Variants in RARA observed in about 807,000 individuals in gnomAD.
The protein encoded by RARA is PML-DDX5-RARA fusion.
Under a neutral mutation model 42.8 loss-of-function variants are expected in RARA, and 5 were observed. The ratio of observed to expected loss-of-function variants is 0.12; its 90% CI spans 0.06 to 0.25. The LOEUF (loss-of-function observed/expected upper bound fraction) is 0.25. Ranked by LOEUF, RARA falls within the 10% of genes least tolerant of loss-of-function variation. RARA has a pLI of 1.00. For synonymous variants in RARA, 256 were observed against 259.5 expected (o/e 0.99, Z 0.13); for missense variants, 402 against 628.7 (o/e 0.64, Z 3.86).
At chr17:40,342,916 G>T in intron 2 of RARA, 1 of 1,570,536 alleles carries the variant, frequency 6.4e-7, no homozygotes, top group Non-Finnish European at 8.6e-7. Flanking sequence ...GGAGTGGGCG[G>T]TAGGGCTTCC....
chr17:40,352,127 T>G lies in RARA; in HGVS notation c.630+57T>G. On this transcript the variant is annotated intron_variant, in intron 5 of 8. Coordinates refer to ENST00000254066, the MANE Select transcript of RARA (RefSeq NM_000964.4). The surrounding 1 kb of genome is among the most constrained non-coding windows in gnomAD (Gnocchi z 4.9). ...TTTGCCCAGGGCCACAGGGCCAGGA[T>G]GGGCCCCTCTCAGGCACCCCTTCTT... 1 of 1,486,322 alleles carries G rather than the reference T, an allele frequency of 6.7e-7. No homozygotes were observed. The allele number at this position is 1,486,322 out of a possible 1,614,324, so 92.1% of individuals were successfully genotyped here. A position where few individuals can be genotyped will look rare whatever the true frequency, so the allele number is the denominator to read the frequency against.
At chr17:40,335,532 A>C (rs558770269) in intron 2 of RARA, among the ~76,000 whole-genome samples, 17 of 152,114 alleles carry the variant, frequency 1.1e-4, no homozygotes, top group Non-Finnish European at 5.9e-5. Flanking sequence ...TCTACTAAAA[A>C]TACAAAAATT....
intron 2 of RARA, chr17:40,341,196 C>A: frequency 1.6e-6 from 1 of 623,220 alleles, no homozygotes; most frequent in Non-Finnish European, 2.4e-6. Flanking sequence ...TGGAAGGCAC[C>A]AGCTCTTCCT....
chr17:40,312,825 CTCAA>C (rs1229578479), intron 1 of RARA, among the ~76,000 whole-genome samples: 1 of 152,180 alleles, frequency 6.6e-6, no homozygotes, highest in Non-Finnish European at 1.5e-5. Flanking sequence ...AGAGAGAACA[CTCAA>C]TCAGTCATTG....
chr17:40,351,874 T>C lies in RARA; in HGVS notation c.470-36T>C. The C allele has an allele frequency of 6.3e-7, 1 of 1,589,504 alleles. No individual in the cohort carries two copies. Among genetic ancestry groups the C allele is most frequent in the Non-Finnish European group, 8.5e-7 (1 of 1,173,472 alleles). ...GGGGTGGACGAGGCCCTGAGCAGCC[T>C]GCAGCTGCCCTCTTAACCCCCTCTG... On this transcript the variant is annotated intron_variant, in intron 4 of 8. Transcript: ENST00000254066. This position sits in a 1 kb window ranked among gnomAD's most constrained non-coding sequence, Gnocchi z 4.1.
At chr17:40,315,128 ATG>A (rs57811941) in intron 1 of RARA, among the ~76,000 whole-genome samples, 6,565 of 77,650 alleles carry the variant, frequency 0.085, 553 homozygotes, top group African/African-American at 0.27. Context: ...ATATGCTTAT[ATG>A]TGTATATATA....
At position 40,326,200 on chromosome 17, in the gene RARA, C is replaced by T. The variant is rs1393234360; in HGVS notation, c.-362-4657C>T. ...AAGCAGGCCGACTGCTGAGGGGCAC[C>T]AAGGTGGTGGCAAGAGGCATGGGGA... On this transcript the variant is annotated intron_variant, in intron 1 of 8. Coordinates refer to ENST00000254066, the MANE Select transcript of RARA (RefSeq NM_000964.4). The surrounding 1 kb of genome is among the most constrained non-coding windows in gnomAD (Gnocchi z 5.2). 6.6e-6 allele frequency among the ~76,000 whole-genome samples: 1 copy of T among 152,210 alleles called. No individual in the cohort carries two copies. The highest frequency in any genetic ancestry group is 1.5e-5 in the Non-Finnish European group (1 of 68,044).
At chr17:40,350,113 G>A in intron 4 of RARA, 188 bp downstream of exon 4, 1 of 842,274 alleles carries the variant, frequency 1.2e-6, no homozygotes, top group South Asian at 1.8e-5. Flanking sequence ...CTGGCTGGCT[G>A]TGTGTCCACG....
In RARA at chr17:40,326,739, G is replaced by A. The variant is rs572324795; in HGVS notation, c.-362-4118G>A. On this transcript the variant is annotated intron_variant, in intron 1 of 8. Transcript: ENST00000254066. This position sits in a 1 kb window ranked among gnomAD's most constrained non-coding sequence, Gnocchi z 5.2. ...GGCATAGGGTGGAGGTTGGATGTGGGTAGTTTGTTTTCCCTCTCTTTGGTA... is the reference window on the plus strand; with the variant it reads ...GGCATAGGGTGGAGGTTGGATGTGGATAGTTTGTTTTCCCTCTCTTTGGTA... 6.6e-6 allele frequency among the ~76,000 whole-genome samples: 1 copy of A among 152,308 alleles called. No individual in the cohort carries two copies. Among genetic ancestry groups the A allele is most frequent in the Admixed American group, 6.5e-5 (1 of 15,306 alleles).
At chr17:40,339,401 C>A (rs1400938125) in intron 2 of RARA, among the ~76,000 whole-genome samples, 2 of 152,188 alleles carry the variant, frequency 1.3e-5, no homozygotes. Flanking sequence ...CAGGATGGGG[C>A]CCCAGGCCTG....
intron 1 of RARA, among the ~76,000 whole-genome samples, chr17:40,315,150 A>ATGCTTATATG (rs2033179061): frequency 7.6e-6 from 1 of 131,634 alleles, no homozygotes; most frequent in African/African-American, 3.0e-5. Flanking sequence ...ATATATATAT[A>ATGCTTATATG]TATATATATA....
intron 6 of RARA, among the ~76,000 whole-genome samples, chr17:40,353,376 G>A (rs1276697867): frequency 1.3e-5 from 2 of 152,166 alleles, no homozygotes; most frequent in Non-Finnish European, 2.9e-5. Flanking sequence ...CCTGACAAGG[G>A]CTCGGTCCAC....
intron 6 of RARA, among the ~76,000 whole-genome samples, chr17:40,353,693 T>G (rs1007005681): frequency 6.6e-6 from 1 of 152,146 alleles, no homozygotes; most frequent in African/African-American, 2.4e-5. Flanking sequence ...TGACCTCAGG[T>G]GATCCTCCCG....
chr17:40,349,640 C>G, intron 3 of RARA, 144 bp from the exon 4 acceptor site: 1 of 1,002,548 alleles, frequency 1.0e-6, no homozygotes. Flanking sequence ...TTCTCCCCAG[C>G]TTTTCTGGCC....
In RARA at chr17:40,331,168, C is replaced by CAG. The variant is rs773082864; in HGVS notation, c.-48_-47dup. 161 of 1,535,376 alleles carry CAG rather than the reference C, an allele frequency of 1.0e-4. No homozygotes were observed. Among genetic ancestry groups the CAG allele is most frequent in the Non-Finnish European group, 1.4e-4 (154 of 1,140,406 alleles). On this transcript the variant is annotated 5_prime_UTR_variant, in exon 2 of 9. Coordinates refer to ENST00000254066, the MANE Select transcript of RARA (RefSeq NM_000964.4). ...CGAGGAGGGGTGGTCTGAAGCCCAC[C>CAG]AGAGCCCCCTGCCAGACTGTCTGCC...
intron 1 of RARA, among the ~76,000 whole-genome samples, chr17:40,324,277 T>C (rs2033475451): frequency 6.6e-6 from 1 of 152,032 alleles, no homozygotes. Flanking sequence ...CTCAGTAGGC[T>C]CATCTCTTCC....
chr17:40,315,105 T>TATAG (rs2033168600), intron 1 of RARA, among the ~76,000 whole-genome samples: 1 of 138,250 alleles, frequency 7.2e-6, no homozygotes, highest in Non-Finnish European at 1.5e-5. Flanking sequence ...TATATGTATA[T>TATAG]ATATATATAT....
intron 1 of RARA, among the ~76,000 whole-genome samples, chr17:40,323,612 G>A (rs1016162455): frequency 2.0e-5 from 3 of 151,958 alleles, no homozygotes; most frequent in African/African-American, 7.3e-5. Flanking sequence ...ATGGGGATCT[G>A]TGACCTATTA....
At chr17:40,339,341 T>C (rs2033953483) in intron 2 of RARA, among the ~76,000 whole-genome samples, 1 of 152,192 alleles carries the variant, frequency 6.6e-6, no homozygotes, top group Non-Finnish European at 1.5e-5. Flanking sequence ...TGCTGAGGGC[T>C]TACTAAACGC....
Sources: allele counts gnomAD v4.1 joint callset (sites outside exome capture counted in the v4.1 genomes callset), GRCh38; gene constraint gnomAD v4.1.1; non-coding constraint Gnocchi (gnomAD v3.1); transcripts MANE v1.5; gene names NCBI Gene and HGNC (gene_info 2026-07-23, HGNC 2026-07-21).